MINDY3: variants seen among roughly 807,000 people sequenced by gnomAD.
MINDY3 encodes the protein ubiquitin carboxyl-terminal hydrolase MINDY-3.
MINDY3 carries 38 observed loss-of-function variants against 69.2 expected under a neutral mutation model. The ratio of observed to expected loss-of-function variants is 0.55; its 90% CI spans 0.42 to 0.72. The LOEUF is 0.72. MINDY3 is among the 30% of genes least tolerant of loss of function. The probability of loss-of-function intolerance (pLI) is 0.00; values close to 1 mark genes in which losing one functional copy is unlikely to be tolerated. For missense variants in MINDY3, 522 were observed against 519.0 expected (o/e 1.01, Z -0.06); for synonymous variants, 192 against 180.1 (o/e 1.07, Z -0.53).
At chr10:15,813,691 C>T (rs1222403453) in intron 10 of MINDY3, among the ~76,000 whole-genome samples, 3 of 152,128 alleles carry the variant, frequency 2.0e-5, no homozygotes, top group African/African-American at 7.2e-5. Context: ...AATGAAGAAA[C>T]CTGCAACTAT....
At chr10:15,838,573 C>G (rs561117199) in intron 4 of MINDY3, among the ~76,000 whole-genome samples, 1 of 151,628 alleles carries the variant, frequency 6.6e-6, no homozygotes, top group African/African-American at 2.4e-5. Context: ...ATAATCAGTG[C>G]CTCACATATC....
chr10:15,793,857 TTAGA>T (rs1237735048), intron 11 of MINDY3, among the ~76,000 whole-genome samples: 1 of 152,140 alleles, frequency 6.6e-6, no homozygotes, highest in Non-Finnish European at 1.5e-5. Context: ...CACATCATTC[TTAGA>T]TAGATCCCCA....
At chr10:15,843,514 T>A (rs2132097409) in intron 2 of MINDY3, among the ~76,000 whole-genome samples, 1 of 152,164 alleles carries the variant, frequency 6.6e-6, no homozygotes, top group East Asian at 1.9e-4. Flanking sequence ...AATACATATT[T>A]TCTGACAAGT....
chr10:15,830,109 G>T (rs116052275), intron 8 of MINDY3, among the ~76,000 whole-genome samples: 2,605 of 152,258 alleles, frequency 0.017, 55 homozygotes, highest in African/African-American at 0.056. Flanking sequence ...GTTGAATAAA[G>T]TAACATCAGA....
chr10:15,795,098 G>A, intron 11 of MINDY3, among the ~76,000 whole-genome samples: 1 of 152,008 alleles, frequency 6.6e-6, no homozygotes, highest in East Asian at 1.9e-4. Flanking sequence ...GTTTTGGAAT[G>A]TTCATAGTTA....
At chr10:15,804,616 A>T (rs1425831522) in intron 10 of MINDY3, among the ~76,000 whole-genome samples, 1 of 152,150 alleles carries the variant, frequency 6.6e-6, no homozygotes, top group Non-Finnish European at 1.5e-5. Context: ...AACATATTAT[A>T]GTGTTTAAAG....
chr10:15,796,239 T>C (rs1837816340), intron 10 of MINDY3, 67 bp from the exon 11 acceptor site: 1 of 1,217,340 alleles, frequency 8.2e-7, no homozygotes, highest in African/African-American at 1.5e-5. Flanking sequence ...AAACAGATAC[T>C]AGGGTAGGCA....
intron 1 of MINDY3, among the ~76,000 whole-genome samples, chr10:15,856,023 T>C (rs1834666065): frequency 6.6e-6 from 1 of 152,082 alleles, no homozygotes; most frequent in Middle Eastern, 3.2e-3. Context: ...AGGCAAATTA[T>C]AATTTAGGTA....
At chr10:15,807,308 G>T (rs74402455) in intron 10 of MINDY3, among the ~76,000 whole-genome samples, 1 of 152,182 alleles carries the variant, frequency 6.6e-6, no homozygotes, top group Non-Finnish European at 1.5e-5. Flanking sequence ...AAGAAGGAAG[G>T]AAGTTGGAAG....
intron 8 of MINDY3, among the ~76,000 whole-genome samples, chr10:15,824,628 G>C (rs969893571): frequency 6.6e-6 from 1 of 152,052 alleles, no homozygotes; most frequent in Admixed American, 6.6e-5. Flanking sequence ...TTAAATGTAA[G>C]CAACACTAAA....
intron 13 of MINDY3, among the ~76,000 whole-genome samples, chr10:15,784,071 C>A (rs961400568): frequency 6.6e-6 from 1 of 152,086 alleles, no homozygotes; most frequent in African/African-American, 2.4e-5. Flanking sequence ...TCCTCATTGT[C>A]AAAAAATTCC....
intron 8 of MINDY3, among the ~76,000 whole-genome samples, chr10:15,823,115 A>T (rs911829932): frequency 2.5e-4 from 38 of 152,268 alleles, no homozygotes; most frequent in African/African-American, 9.1e-4. Context: ...AGCCTTAACT[A>T]CAACATCTAG....
intron 8 of MINDY3, among the ~76,000 whole-genome samples, chr10:15,832,554 T>C (rs1488110489): frequency 6.6e-6 from 1 of 152,166 alleles, no homozygotes; most frequent in Non-Finnish European, 1.5e-5. Context: ...TAATTTGTAG[T>C]TTTTTGTTCA....
At chr10:15,790,072 T>C (rs1319447760) in intron 11 of MINDY3, among the ~76,000 whole-genome samples, 1 of 152,058 alleles carries the variant, frequency 6.6e-6, no homozygotes, top group African/African-American at 2.4e-5. Context: ...CAGCTTTAAA[T>C]CAGCTTCCAA....
intron 10 of MINDY3, among the ~76,000 whole-genome samples, chr10:15,811,735 A>T (rs1383316559): frequency 6.6e-6 from 1 of 152,126 alleles, no homozygotes; most frequent in Non-Finnish European, 1.5e-5. Flanking sequence ...AGGAAAAAAA[A>T]TAACATATGT....
intron 6 of MINDY3, among the ~76,000 whole-genome samples, chr10:15,835,165 C>A (rs1483893972): frequency 6.6e-6 from 1 of 152,014 alleles, no homozygotes; most frequent in African/African-American, 2.4e-5. Context: ...ATTAGGAGGG[C>A]AGGAAGTGCC....
chr10:15,811,573 G>C (rs1428867286), intron 10 of MINDY3, among the ~76,000 whole-genome samples: 15 of 152,086 alleles, frequency 9.9e-5, no homozygotes, highest in South Asian at 2.1e-4. Flanking sequence ...ATATGTATTT[G>C]AATGTCACTG....
intron 14 of MINDY3, 83 bp downstream of exon 14, chr10:15,782,072 T>A: frequency 1.0e-6 from 1 of 962,034 alleles, no homozygotes; most frequent in Non-Finnish European, 1.6e-6. Flanking sequence ...GTAGCAATTG[T>A]ACGGGAATCG....
At chr10:15,779,398 C>T (rs1836341963) in intron 14 of MINDY3, among the ~76,000 whole-genome samples, 1 of 152,094 alleles carries the variant, frequency 6.6e-6, no homozygotes. Context: ...AATCCTAAAA[C>T]ACATAGATTG....
Sources: allele counts gnomAD v4.1 joint callset (sites outside exome capture counted in the v4.1 genomes callset), GRCh38; gene constraint gnomAD v4.1.1; transcripts MANE v1.5; gene names NCBI Gene and HGNC (gene_info 2026-07-23, HGNC 2026-07-21).